The following CADM2 variants were observed in gnomAD, a reference collection of about 807,000 sequenced individuals.
The protein encoded by CADM2 is cell adhesion molecule 2, also known as immunoglobulin superfamily member 4D.
A neutral mutation model predicts 49.8 loss-of-function variants in CADM2; 12 were observed. The observed-to-expected ratio is 0.24, with a 90% CI of 0.15 to 0.39. The LOEUF is 0.39. Among genes scored for constraint, CADM2 ranks in the 10% least tolerant of loss-of-function variants. The pLI is 1.00. For missense variants in CADM2, 378 were observed against 492.3 expected (o/e 0.77, Z 2.20); for synonymous variants, 214 against 175.4 (o/e 1.22, Z -1.74).
At chr3:86,009,145 A>G (rs1485549145) in intron 8 of CADM2, among the ~76,000 whole-genome samples, 1 of 143,440 alleles carries the variant, frequency 7.0e-6, no homozygotes, top group Non-Finnish European at 1.5e-5. Flanking sequence ...ATATATATAT[A>G]GATATATATA....
chr3:85,360,062 C>G (rs1399235403), intron 1 of CADM2, among the ~76,000 whole-genome samples: 2 of 151,568 alleles, frequency 1.3e-5, no homozygotes, highest in African/African-American at 4.8e-5. Flanking sequence ...TTCACGTATA[C>G]AAAGATAAAT....
chr3:85,238,891 C>CT (rs879470144), intron 1 of CADM2, among the ~76,000 whole-genome samples: 215 of 147,158 alleles, frequency 1.5e-3, no homozygotes, highest in African/African-American at 3.1e-3. Context: ...AAATATTAAA[C>CT]TTTTTTTTTT....
At chr3:86,041,970 G>A (rs1736000946) in intron 8 of CADM2, among the ~76,000 whole-genome samples, 1 of 152,146 alleles carries the variant, frequency 6.6e-6, no homozygotes. Context: ...ACCTGCTCCT[G>A]AATGACTACA....
At chr3:85,887,377 TCAGA>T (rs1713819543) in intron 5 of CADM2, among the ~76,000 whole-genome samples, 2 of 152,176 alleles carry the variant, frequency 1.3e-5, no homozygotes, top group Non-Finnish European at 2.9e-5. Flanking sequence ...GCCACCATGC[TCAGA>T]CATTCTGATT....
At position 85,387,713 on chromosome 3, in the gene CADM2, T is replaced by C. The variant is rs114997996; in HGVS notation, c.62-338809T>C. ...ATTTGCTATTATTTTGAAATATATG[T>C]AGTATTATTTAGTAGTATTCTAAAT... On this transcript the variant is annotated intron_variant, in intron 1 of 9. Coordinates refer to ENST00000383699, the MANE Select transcript of CADM2 (RefSeq NM_001167675.2). Among the ~76,000 whole-genome samples the C allele has an allele frequency of 9.0e-3, 1,371 of 152,304 alleles. 17 individuals are homozygous for C. The highest frequency in any genetic ancestry group is 0.03 in the African/African-American group (1,242 of 41,576).
chr3:85,325,151 T>C (rs1222530467), intron 1 of CADM2, among the ~76,000 whole-genome samples: 1 of 152,242 alleles, frequency 6.6e-6, no homozygotes, highest in Non-Finnish European at 1.5e-5. Context: ...CATGGTTACC[T>C]GCTAGCTCTT....
chr3:85,412,190 A>G (rs1258431260), intron 1 of CADM2, among the ~76,000 whole-genome samples: 1 of 152,168 alleles, frequency 6.6e-6, no homozygotes, highest in Admixed American at 6.5e-5. Context: ...GAATAATGTT[A>G]TTGGAAATGT....
chr3:85,757,470 T>A (rs1406447249), intron 2 of CADM2, among the ~76,000 whole-genome samples: 6 of 151,978 alleles, frequency 3.9e-5, no homozygotes, highest in African/African-American at 1.4e-4. Context: ...GACGAGTAAA[T>A]GGATAATTTA....
chr3:85,291,296 C>A (rs2043788611), intron 1 of CADM2, among the ~76,000 whole-genome samples: 1 of 151,610 alleles, frequency 6.6e-6, no homozygotes, highest in Non-Finnish European at 1.5e-5. Flanking sequence ...TGAGAAAAGA[C>A]CAAATCTACA....
intron 1 of CADM2, among the ~76,000 whole-genome samples, chr3:85,692,716 T>C (rs989440463): frequency 6.6e-6 from 1 of 152,224 alleles, no homozygotes; most frequent in African/African-American, 2.4e-5. Flanking sequence ...CCCTGGTTAC[T>C]CATCACCAGT....
intron 1 of CADM2, among the ~76,000 whole-genome samples, chr3:85,478,345 C>A (rs1400383025): frequency 6.6e-6 from 1 of 151,844 alleles, no homozygotes; most frequent in African/African-American, 2.4e-5. Flanking sequence ...TTTTTGCTGA[C>A]CTGATATGGA....
intron 1 of CADM2, among the ~76,000 whole-genome samples, chr3:85,219,716 T>C (rs530134257): frequency 6.6e-6 from 1 of 152,232 alleles, no homozygotes; most frequent in South Asian, 2.1e-4. Context: ...ATACCTTGCA[T>C]GATACCAAAA....
At chr3:85,142,095 A>G (rs1370749041) in intron 1 of CADM2, among the ~76,000 whole-genome samples, 1 of 152,250 alleles carries the variant, frequency 6.6e-6, no homozygotes, top group Non-Finnish European at 1.5e-5. Context: ...TGAGAAAGGT[A>G]GTATTAGATT....
At chr3:85,109,071 T>A (rs1323947646) in intron 1 of CADM2, among the ~76,000 whole-genome samples, 2 of 152,084 alleles carry the variant, frequency 1.3e-5, no homozygotes, top group Non-Finnish European at 2.9e-5. Context: ...TTTTTCCATT[T>A]GATGAAATAA....
At chr3:85,284,768 T>C (rs1222974373) in intron 1 of CADM2, among the ~76,000 whole-genome samples, 1 of 151,976 alleles carries the variant, frequency 6.6e-6, no homozygotes, top group African/African-American at 2.4e-5. Context: ...ACAGGTTTTG[T>C]AGGACCTTGT....
intron 1 of CADM2, among the ~76,000 whole-genome samples, chr3:85,135,250 C>G (rs540749695): frequency 6.6e-6 from 1 of 151,816 alleles, no homozygotes; most frequent in South Asian, 2.1e-4. Context: ...TTAGAAAATT[C>G]TTTTTTCAGA....
intron 1 of CADM2, among the ~76,000 whole-genome samples, chr3:85,294,133 T>A (rs2043884669): frequency 6.6e-6 from 1 of 151,940 alleles, no homozygotes; most frequent in Admixed American, 6.6e-5. Flanking sequence ...CAAGCATTCT[T>A]ATACACCAAC....
At chr3:85,818,037 T>G (rs1286465912) in intron 3 of CADM2, among the ~76,000 whole-genome samples, 1 of 152,116 alleles carries the variant, frequency 6.6e-6, no homozygotes, top group Non-Finnish European at 1.5e-5. Context: ...GTTGAGATCT[T>G]ATATACTCCT....
intron 1 of CADM2, among the ~76,000 whole-genome samples, chr3:85,069,106 C>T (rs1306201937): frequency 6.6e-6 from 1 of 151,910 alleles, no homozygotes; most frequent in South Asian, 2.1e-4. Flanking sequence ...ATGCCTTTCC[C>T]CTCTATTTCA....
Sources: gnomAD v4.1 joint callset for allele counts (sites outside exome capture counted in the v4.1 genomes callset) on GRCh38, gnomAD v4.1.1 for gene constraint, MANE v1.5 for transcripts, NCBI Gene and HGNC (gene_info 2026-07-23, HGNC 2026-07-21) for gene names.